BRD3: variants seen among roughly 807,000 people sequenced by gnomAD.
BRD3 encodes the protein bromodomain-containing protein 3.
BRD3 carries 17 observed loss-of-function variants against 66.8 expected under a neutral mutation model. That is an observed-to-expected ratio of 0.25 (90% confidence interval 0.17 to 0.38). The LOEUF (loss-of-function observed/expected upper bound fraction) is 0.38. BRD3 is among the 10% of genes least tolerant of loss of function. The probability of loss-of-function intolerance (pLI) is 1.00; values close to 1 mark genes in which losing one functional copy is unlikely to be tolerated. For missense variants in BRD3, 713 were observed against 956.1 expected, an observed-to-expected ratio of 0.75 and a Z score of 3.35; for synonymous variants, 421 against 393.2, an observed-to-expected ratio of 1.07 and a Z score of -0.84.
chr9:134,032,796 C>T lies in BRD3; in HGVS notation c.*794G>A, dbSNP rs953870312. The T allele has an allele frequency of 1.6e-4, 41 of 250,308 alleles. No homozygotes were observed. Among genetic ancestry groups the T allele is most frequent in the Non-Finnish European group, 2.3e-5 (3 of 131,406 alleles). The allele number at this position is 250,308 out of a possible 1,614,324, so 15.5% of individuals were successfully genotyped here. On this transcript the variant is annotated 3_prime_UTR_variant, in exon 12 of 12. Coordinates refer to ENST00000303407, the MANE Select transcript of BRD3 (RefSeq NM_007371.4). Reference sequence around the variant, plus strand: ...TAGCCAGGCGGGGACTCACAGCGGGCTGGACTTCCGTAGAAAATTGCCGAA... The same window carrying T: ...TAGCCAGGCGGGGACTCACAGCGGGTTGGACTTCCGTAGAAAATTGCCGAA...
intron 1 of BRD3, among the ~76,000 whole-genome samples, chr9:134,065,437 A>AG (rs1491417012): frequency 1.3e-4 from 2 of 15,204 alleles, no homozygotes; most frequent in East Asian, 2.7e-3. Context: ...AGGAGAAGAG[A>AG]AAAAAAAAAA....
Position 134,033,852 on chromosome 9 carries a change from A to C in BRD3, c.2066-147T>G. On this transcript the variant is annotated intron_variant, in intron 11 of 11. Transcript: ENST00000303407. The surrounding 1 kb of genome is among the most constrained non-coding windows in gnomAD (Gnocchi z 5.1). ...CCAGTCGTTTAATAAGTATTTATTGAAATTAATCAGGTCAACAAGACTATC... is the reference window on the plus strand; with the variant it reads ...CCAGTCGTTTAATAAGTATTTATTGCAATTAATCAGGTCAACAAGACTATC... The C allele has an allele frequency of 1.7e-6, 1 of 579,978 alleles. No homozygotes were observed. The highest frequency in any genetic ancestry group is 2.1e-5 in the South Asian group (1 of 48,232). 35.9% of individuals were successfully genotyped at this position (579,978 alleles called of 1,614,324 possible).
chr9:134,041,710 A>AG lies in BRD3; in HGVS notation c.1407+49dup, dbSNP rs144803180. 4.2e-3 allele frequency: 6,621 copies of AG among 1,581,196 alleles called. 188 individuals are homozygous for AG. In the African/African-American group the frequency reaches 0.068, roughly 16 times the overall value. On this transcript the variant is annotated intron_variant, in intron 8 of 11. Coordinates refer to ENST00000303407, the MANE Select transcript of BRD3 (RefSeq NM_007371.4). ...GGGACGGACCTTGGGCTGCTGTGCC[A>AG]GCAATCCCGCCTCAGCCCCTGAACC...
chr9:134,034,298 C>T lies in BRD3; in HGVS notation c.2065+403G>A, dbSNP rs140888800. ...GCAAAGGACCTGGCAAAGCGCAGGG[C>T]ATGGGGCTGGGCCTCCCGCCTCTGC... On this transcript the variant is annotated intron_variant, in intron 11 of 11. Coordinates refer to ENST00000303407, the MANE Select transcript of BRD3 (RefSeq NM_007371.4). 3.6e-3 allele frequency among the ~76,000 whole-genome samples: 543 copies of T among 152,354 alleles called. 3 individuals are homozygous for T. Among genetic ancestry groups the T allele is most frequent in the African/African-American group, 0.012 (507 of 41,584 alleles).
intron 6 of BRD3, among the ~76,000 whole-genome samples, chr9:134,046,364 C>T (rs1468218854): frequency 2.0e-5 from 3 of 152,286 alleles, no homozygotes; most frequent in African/African-American, 4.8e-5. Flanking sequence ...TCGGGGACCT[C>T]GAGGGACGAC....
In BRD3 at chr9:134,051,873, GTGTGTTGTTTTTTTTGTT is replaced by G. The variant is rs1564555789; in HGVS notation, c.352-182_352-165del. ...TGTGTGTGTGTGTGTGTGTGTGTGT[GTGTGTTGTTTTTTTTGTT>G]TTTTTTTTTTTTTTTTTGAGATGGA... On this transcript the variant is annotated intron_variant, in intron 3 of 11. Coordinates refer to ENST00000303407, the MANE Select transcript of BRD3 (RefSeq NM_007371.4). 5.6e-5 allele frequency among the ~76,000 whole-genome samples: 6 copies of G among 106,456 alleles called. 1 individual carries two copies. The highest frequency in any genetic ancestry group is 2.6e-4 in the Admixed American group (3 of 11,478). The allele number at this position is 106,456 out of a possible 152,430, so 69.8% of individuals were successfully genotyped here. A position where few individuals can be genotyped will look rare whatever the true frequency, so the allele number is the denominator to read the frequency against.
At position 134,033,736 on chromosome 9, in the gene BRD3, G is replaced by A. The variant is rs375743669; in HGVS notation, c.2066-31C>T. ...GAGACATGGGCAGGGAGATGCGCTC[G>A]CACACCCGCTTCTTGACCCGCTTGG... On this transcript the variant is annotated intron_variant, in intron 11 of 11. Transcript: ENST00000303407. This position sits in a 1 kb window ranked among gnomAD's most constrained non-coding sequence, Gnocchi z 5.1. The A allele has an allele frequency of 4.4e-5, 31 of 699,730 alleles. No individual in the cohort carries two copies. Among genetic ancestry groups the A allele is most frequent in the Non-Finnish European group, 6.6e-5 (25 of 380,870 alleles). 43.3% of individuals were successfully genotyped at this position (699,730 alleles called of 1,614,324 possible).
Position 134,037,314 on chromosome 9 carries a change from A to G in BRD3, c.1644-990T>C, listed in dbSNP as rs541841216. The stretch of plus-strand genomic sequence containing the variant: ...GGGCTGGGCGCGGTGGCTCACGCCT[A>G]TAATCCCAGCACTTTGGGAGGCCAA... On this transcript the variant is annotated intron_variant, in intron 9 of 11. Transcript: ENST00000303407. Among the ~76,000 whole-genome samples, 8 of 152,190 alleles carry G rather than the reference A, an allele frequency of 5.3e-5. No individual in the cohort carries two copies. The South Asian group carries it at 1.7e-3, about 32-fold the overall frequency.
Position 134,045,274 on chromosome 9 carries a change from G to A in BRD3, c.1215+19C>T, listed in dbSNP as rs201313909. 4.3e-5 allele frequency: 69 copies of A among 1,612,744 alleles called. No individual in the cohort carries two copies. Among genetic ancestry groups the A allele is most frequent in the South Asian group, 2.3e-4 (21 of 91,082 alleles). On this transcript the variant is annotated intron_variant, in intron 7 of 11. Coordinates refer to ENST00000303407, the MANE Select transcript of BRD3 (RefSeq NM_007371.4). This position sits in a 1 kb window ranked among gnomAD's most constrained non-coding sequence, Gnocchi z 4.8. The stretch of plus-strand genomic sequence containing the variant: ...AGCACTGAGCTGAGCAGCCCCACCC[G>A]TGCCCAGCCTCGGGTTACCTGGAGC...
intron 10 of BRD3, among the ~76,000 whole-genome samples, chr9:134,035,281 C>G (rs1054388564): frequency 6.6e-6 from 1 of 152,206 alleles, no homozygotes; most frequent in African/African-American, 2.4e-5. Flanking sequence ...GACCCGGTGA[C>G]TTACCGTGGG....
At chr9:134,040,477 G>A (rs1028524641) in intron 8 of BRD3, among the ~76,000 whole-genome samples, 9 of 152,166 alleles carry the variant, frequency 5.9e-5, no homozygotes, top group Non-Finnish European at 1.3e-4. Flanking sequence ...CGGCTTCTTC[G>A]CCTGCAGTGG....
chr9:134,052,199 A>C, intron 3 of BRD3, 107 bp downstream of exon 3: 3 of 1,415,738 alleles, frequency 2.1e-6, no homozygotes, highest in Non-Finnish European at 2.8e-6. Flanking sequence ...AGCCAGGTGA[A>C]GCGCTTTGGG....
chr9:134,033,258 C>G lies in BRD3; in HGVS notation c.*332G>C. 1 of 414,160 alleles carries G rather than the reference C, an allele frequency of 2.4e-6. No homozygotes were observed. The highest frequency in any genetic ancestry group is 4.2e-6 in the Non-Finnish European group (1 of 235,422). The allele number at this position is 414,160 out of a possible 1,614,324, so 25.7% of individuals were successfully genotyped here. Reference sequence around the variant, plus strand: ...TCTCGAGCTATCGACCAGGTTGGGCCTAAGCAAAGGGATTCCACAAGGTTC... The same window carrying G: ...TCTCGAGCTATCGACCAGGTTGGGCGTAAGCAAAGGGATTCCACAAGGTTC... On this transcript the variant is annotated 3_prime_UTR_variant, in exon 12 of 12. Coordinates refer to ENST00000303407, the MANE Select transcript of BRD3 (RefSeq NM_007371.4). This position sits in a 1 kb window ranked among gnomAD's most constrained non-coding sequence, Gnocchi z 5.1.
At chr9:134,050,750 T>C (rs750998138) in intron 4 of BRD3, among the ~76,000 whole-genome samples, 162 bp from the exon 5 acceptor site, 3 of 151,968 alleles carry the variant, frequency 2.0e-5, no homozygotes, top group Non-Finnish European at 4.4e-5. Flanking sequence ...TCCTGCATCT[T>C]GGGGGCAGGG....
chr9:134,035,926 G>T, intron 10 of BRD3, 106 bp downstream of exon 10: 2 of 1,423,598 alleles, frequency 1.4e-6, no homozygotes, highest in Admixed American at 2.5e-5. Flanking sequence ...CAGCGTGGCA[G>T]CCCTGTGCCC....
intron 9 of BRD3, among the ~76,000 whole-genome samples, chr9:134,036,783 T>C (rs1036510828): frequency 2.0e-4 from 30 of 151,320 alleles, no homozygotes; most frequent in Admixed American, 3.9e-4. Flanking sequence ...CCGAGGCGGG[T>C]GGATCACGAG....
chr9:134,047,445 G>A (rs890628527), intron 6 of BRD3, among the ~76,000 whole-genome samples: 4 of 152,188 alleles, frequency 2.6e-5, no homozygotes, highest in Admixed American at 6.5e-5. Flanking sequence ...GGCTTGGGGC[G>A]GTGCAGCTCA....
chr9:134,047,846 C>T (rs1382325618), intron 6 of BRD3, among the ~76,000 whole-genome samples: 5 of 152,188 alleles, frequency 3.3e-5, no homozygotes, highest in South Asian at 2.1e-4. Flanking sequence ...TAAACGGGTT[C>T]GATGGGAATA....
chr9:134,054,239 G>T (rs1000005512), intron 1 of BRD3: 1 of 152,216 alleles, frequency 6.6e-6, no homozygotes, highest in Non-Finnish European at 1.5e-5. Flanking sequence ...CGGGAGCGGC[G>T]GCTCAGACCC....
Sources: allele counts gnomAD v4.1 joint callset (sites outside exome capture counted in the v4.1 genomes callset), GRCh38; gene constraint gnomAD v4.1.1; non-coding constraint Gnocchi (gnomAD v3.1); transcripts MANE v1.5; gene names NCBI Gene and HGNC (gene_info 2026-07-23, HGNC 2026-07-21).